The following NEK6 variants were observed in gnomAD, a reference collection of about 807,000 sequenced individuals.
The protein encoded by NEK6 is NIMA related kinase 6, also known as serine/threonine-protein kinase Nek6.
In NEK6, 27 loss-of-function variants were observed where a neutral mutation model predicts 43.5. That is an observed-to-expected ratio of 0.62 (90% CI 0.46 to 0.86). The LOEUF is 0.86. NEK6 is among the 40% of genes least tolerant of loss of function. NEK6 has a pLI of 0.00. For synonymous variants in NEK6, 167 were observed against 164.1 expected, an observed-to-expected ratio of 1.02 and a Z score of -0.14; for missense variants, 318 against 414.4, an observed-to-expected ratio of 0.77 and a Z score of 2.02.
At chr9:124,262,283 T>C (rs1831062615) in intron 1 of NEK6, among the ~76,000 whole-genome samples, 1 of 152,236 alleles carries the variant, frequency 6.6e-6, no homozygotes, top group African/African-American at 2.4e-5. Flanking sequence ...TCCCTTCCTT[T>C]GGCCAAAGCT....
At chr9:124,269,398 A>G (rs1831339063) in intron 1 of NEK6, among the ~76,000 whole-genome samples, 2 of 148,634 alleles carry the variant, frequency 1.3e-5, no homozygotes, top group Admixed American at 6.7e-5. Flanking sequence ...TTTGAGATGG[A>G]GTTTCACTCT....
rs1588436671 is a variant in NEK6 at position 124,267,345 on chromosome 9, C to G, written c.-30+9260C>G. 2.6e-5 allele frequency among the ~76,000 whole-genome samples: 4 copies of G among 152,338 alleles called. 1 individual carries two copies. Among genetic ancestry groups the G allele is most frequent in the African/African-American group, 9.6e-5 (4 of 41,578 alleles). On this transcript the variant is annotated intron_variant, in intron 1 of 9. Coordinates refer to ENST00000320246, the MANE Select transcript of NEK6 (RefSeq NM_014397.6). ...AAAGGAGAGGGAGTCCGCCCCTGGG[C>G]TTGGCAGGTCCGGTCGAGTCCGCCT...
intron 7 of NEK6, among the ~76,000 whole-genome samples, chr9:124,328,105 G>A (rs1037760340): frequency 6.6e-6 from 1 of 152,186 alleles, no homozygotes; most frequent in Non-Finnish European, 1.5e-5. Context: ...GGTGCTGAAG[G>A]GCTGGACTCC....
chr9:124,335,159 C>T (rs953883015), intron 7 of NEK6, among the ~76,000 whole-genome samples: 3 of 152,208 alleles, frequency 2.0e-5, no homozygotes, highest in African/African-American at 4.8e-5. Flanking sequence ...AATCCACTTA[C>T]ATTTGTCCTG....
At chr9:124,274,981 G>C (rs1050755677) in intron 1 of NEK6, among the ~76,000 whole-genome samples, 2 of 152,148 alleles carry the variant, frequency 1.3e-5, no homozygotes, top group Non-Finnish European at 2.9e-5. Flanking sequence ...GAAAAGGACC[G>C]ACCTAACTTA....
intron 8 of NEK6, among the ~76,000 whole-genome samples, chr9:124,344,852 C>G (rs1356660924): frequency 6.6e-6 from 1 of 152,206 alleles, no homozygotes; most frequent in East Asian, 1.9e-4. Context: ...GGCCGGGACG[C>G]CGCTTTGGAA....
At position 124,314,112 on chromosome 9, in the gene NEK6, C is replaced by T. The variant is rs538740560; in HGVS notation, c.294+127C>T. On this transcript the variant is annotated intron_variant, in intron 4 of 9. Coordinates refer to ENST00000320246, the MANE Select transcript of NEK6 (RefSeq NM_014397.6). ...CCGCAGCCCCTGCTAAGTTAACAGA[C>T]GATAGCTTTCTAGGGGCAGCGGCTA... 2.5e-4 allele frequency: 201 copies of T among 806,704 alleles called. No homozygotes were observed. The East Asian group carries it at 4.4e-3, about 18-fold the overall frequency. The allele number at this position is 806,704 out of a possible 1,614,324, so 50.0% of individuals were successfully genotyped here. A position where few individuals can be genotyped will look rare whatever the true frequency, so the allele number is the denominator to read the frequency against.
intron 1 of NEK6, among the ~76,000 whole-genome samples, chr9:124,286,242 T>C (rs1190924589): frequency 6.6e-6 from 1 of 152,166 alleles, no homozygotes; most frequent in African/African-American, 2.4e-5. Context: ...TTTTTTCCCC[T>C]CTCTTTCTTT....
intron 1 of NEK6, among the ~76,000 whole-genome samples, chr9:124,296,323 C>T (rs1200972252): frequency 1.3e-5 from 2 of 152,214 alleles, no homozygotes; most frequent in Admixed American, 6.5e-5. Context: ...GCTGTGCCCT[C>T]GGCTGGAGGC....
intron 9 of NEK6, among the ~76,000 whole-genome samples, chr9:124,348,169 C>T (rs1830049760): frequency 6.6e-6 from 1 of 152,196 alleles, no homozygotes; most frequent in African/African-American, 2.4e-5. Context: ...GGAACTGATA[C>T]AGGGGCAGGA....
At chr9:124,284,876 A>G (rs923191890) in intron 1 of NEK6, among the ~76,000 whole-genome samples, 8 of 152,184 alleles carry the variant, frequency 5.3e-5, no homozygotes, top group Admixed American at 6.5e-5. Context: ...CAGGTCTTCA[A>G]ATTTACACCA....
intron 2 of NEK6, among the ~76,000 whole-genome samples, chr9:124,309,721 G>A (rs1833436647): frequency 6.6e-6 from 1 of 152,246 alleles, no homozygotes; most frequent in South Asian, 2.1e-4. Context: ...ATTTTTATGA[G>A]TACGTGCGAT....
At position 124,312,534 on chromosome 9, in the gene NEK6, G is replaced by A. The variant is rs1376354948; in HGVS notation, c.116G>A (p.Arg39His). Residue 39 changes from arginine (R) to histidine (H), a missense_variant, in exon 3 of 10, where the codon CGC (arginine) becomes CAC (histidine). This residue lies in a region of NEK6 where 239 missense variants were observed against 344.4 expected (regional missense o/e 0.69). Coordinates refer to ENST00000320246, the MANE Select transcript of NEK6 (RefSeq NM_014397.6). Reference protein sequence around the residue: ...PQRHPNTLSFRCSLADFQIEK... With the variant: ...PQRHPNTLSFHCSLADFQIEK... ...AGGCATCCCAACACGCTGTCTTTTC[G>A]CTGCTCGCTGGCGGACTTCCAGATC... is the stretch of plus-strand genomic sequence containing the variant. 3.1e-6 allele frequency: 5 copies of A among 1,613,936 alleles called. No homozygotes were observed. The highest frequency in any genetic ancestry group is 2.2e-5 in the East Asian group (1 of 44,884).
intron 2 of NEK6, among the ~76,000 whole-genome samples, chr9:124,307,550 A>G (rs774801604): frequency 6.6e-6 from 1 of 152,316 alleles, no homozygotes; most frequent in Non-Finnish European, 1.5e-5. Flanking sequence ...GGTGACAGGC[A>G]GCACAGCGAG....
chr9:124,337,904 TTTTC>T (rs1485041328), intron 7 of NEK6, among the ~76,000 whole-genome samples: 15 of 152,196 alleles, frequency 9.9e-5, no homozygotes, highest in African/African-American at 2.7e-4. Context: ...TCGACCTTGT[TTTTC>T]TTTAACTTTG....
At chr9:124,264,814 C>CAAAAAA (rs372219790) in intron 1 of NEK6, among the ~76,000 whole-genome samples, 2 of 88,674 alleles carry the variant, frequency 2.3e-5, no homozygotes. Flanking sequence ...GACTCTGTAT[C>CAAAAAA]AAAAAAAAAA....
rs1554845431 is a variant in NEK6 at position 124,281,480 on chromosome 9, G to GTT, written c.-29-20451_-29-20450dup. ...GGCATAGCTACTTTCCATGTCAGCT[G>GTT]TTTTTTCTTTTTTTTTTTTTTTTTT... On this transcript the variant is annotated intron_variant, in intron 1 of 9. Transcript: ENST00000320246. Among the ~76,000 whole-genome samples the GTT allele has an allele frequency of 1.2e-4, 14 of 114,894 alleles. 1 individual carries two copies. In the East Asian group the frequency reaches 1.7e-3, roughly 14 times the overall value. 75.4% of individuals were successfully genotyped at this position (114,894 alleles called of 152,430 possible). A position where few individuals can be genotyped will look rare whatever the true frequency, so the allele number is the denominator to read the frequency against.
chr9:124,259,799 G>C (rs1250950273), intron 1 of NEK6, among the ~76,000 whole-genome samples: 2 of 152,190 alleles, frequency 1.3e-5, no homozygotes, highest in African/African-American at 2.4e-5. Context: ...GTCTGCTTCG[G>C]AAATGACTAA....
At chr9:124,311,877 A>T (rs1833544508) in intron 2 of NEK6, among the ~76,000 whole-genome samples, 1 of 152,172 alleles carries the variant, frequency 6.6e-6, no homozygotes, top group South Asian at 2.1e-4. Flanking sequence ...TTTAGTGGAG[A>T]CAGGGTTTCG....
Sources: gnomAD v4.1 joint callset for allele counts (sites outside exome capture counted in the v4.1 genomes callset) on GRCh38, gnomAD v4.1.1 for gene constraint, gnomAD v4.1.1 regional missense constraint, MANE v1.5 for transcripts, NCBI Gene and HGNC (gene_info 2026-07-23, HGNC 2026-07-21) for gene names.